The following RCOR1 variants were observed in gnomAD, a reference collection of about 807,000 sequenced individuals.
RCOR1 encodes REST corepressor 1, also known as REST corepressor.
A neutral mutation model predicts 64.0 loss-of-function variants in RCOR1; 12 were observed. That is an observed-to-expected ratio of 0.19 (90% confidence interval 0.12 to 0.30). The LOEUF (loss-of-function observed/expected upper bound fraction) is 0.30, where lower values mean the gene tolerates loss of function less well. Among genes scored for constraint, RCOR1 ranks in the 10% least tolerant of loss-of-function variants. The probability of loss-of-function intolerance (pLI) is 1.00; values close to 1 mark genes in which losing one functional copy is unlikely to be tolerated. For missense variants in RCOR1, 502 were observed against 621.2 expected (o/e 0.81, Z 2.04); for synonymous variants, 279 against 227.2 (o/e 1.23, Z -2.05).
chr14:102,659,014 T>G, intron 2 of RCOR1: 2 of 594,844 alleles, frequency 3.4e-6, no homozygotes, highest in Non-Finnish European at 4.2e-6. Flanking sequence ...TACACTCAAG[T>G]CGGGGAGATT....
intron 2 of RCOR1, among the ~76,000 whole-genome samples, chr14:102,654,181 T>C (rs1034568324): frequency 1.3e-5 from 2 of 151,716 alleles, no homozygotes; most frequent in Non-Finnish European, 2.9e-5. Context: ...GAGACAGGGT[T>C]TCACCGTGTT....
intron 2 of RCOR1, among the ~76,000 whole-genome samples, chr14:102,652,236 G>GA (rs1567422521): frequency 6.6e-6 from 1 of 152,160 alleles, no homozygotes. Context: ...TTATAGAAGA[G>GA]AAAATTGAAA....
chr14:102,613,837 T>C (rs1291030281), intron 2 of RCOR1, among the ~76,000 whole-genome samples: 1 of 149,044 alleles, frequency 6.7e-6, no homozygotes, highest in Non-Finnish European at 1.5e-5. Context: ...ATTACAGGAG[T>C]GAACCACCGC....
At chr14:102,667,368 G>A (rs1438698216) in intron 2 of RCOR1, among the ~76,000 whole-genome samples, 1 of 152,064 alleles carries the variant, frequency 6.6e-6, no homozygotes, top group African/African-American at 2.4e-5. Context: ...GGGCGTGGTG[G>A]TGGGTGCCTG....
chr14:102,681,898 A>T lies in RCOR1; in HGVS notation c.365A>T (p.Lys122Ile), dbSNP rs1334140599. 1 of 1,612,870 alleles carries T rather than the reference A, an allele frequency of 6.2e-7. No individual in the cohort carries two copies. The highest frequency in any genetic ancestry group is 8.5e-7 in the Non-Finnish European group (1 of 1,179,048). The change falls in exon 3 of 12, where the codon AAA (lysine) becomes ATA (isoleucine). Residue 122 changes from lysine to isoleucine, a missense_variant. By Grantham distance (102) the Lys-to-Ile change is moderately radical. Coordinates refer to ENST00000262241, the MANE Select transcript of RCOR1 (RefSeq NM_015156.4). Reference sequence around the variant, plus strand: ...TTTCTTTTTTCTTTCTCCCAAGCCAAACTGGCAAGACGCAGTCAAGAACGG... The same window carrying T: ...TTTCTTTTTTCTTTCTCCCAAGCCATACTGGCAAGACGCAGTCAAGAACGG... Reference protein sequence around the residue: ...QAVVPDFDPAKLARRSQERDN... With the variant: ...QAVVPDFDPAILARRSQERDN...
At chr14:102,659,073 T>C (rs923474866) in intron 2 of RCOR1, 10 of 946,350 alleles carry the variant, frequency 1.1e-5, no homozygotes, top group Non-Finnish European at 1.3e-5. Context: ...ATAAATTATT[T>C]GAAATTCTCC....
At chr14:102,721,499 C>A in intron 10 of RCOR1, 122 bp downstream of exon 10, 1 of 615,738 alleles carries the variant, frequency 1.6e-6, no homozygotes, top group Non-Finnish European at 2.9e-6. Flanking sequence ...TGCATTGATC[C>A]ATGATCACAC....
chr14:102,705,139 AAG>A (rs891729930), intron 4 of RCOR1, among the ~76,000 whole-genome samples: 32 of 152,148 alleles, frequency 2.1e-4, no homozygotes, highest in South Asian at 8.3e-4. Context: ...AACAAAAAAA[AAG>A]AGGGGGGAAA....
In RCOR1 at chr14:102,627,809, A is replaced by G. The variant is rs138985555; in HGVS notation, c.361+34484A>G. On this transcript the variant is annotated intron_variant, in intron 2 of 11. Transcript: ENST00000262241. ...TCTAGAGTTGCTCTTGAGGTGATCA[A>G]TTGCTCCATGTTGCTAAATCCAGCA... Among the ~76,000 whole-genome samples the G allele has an allele frequency of 2.9e-3, 444 of 152,098 alleles. 2 individuals carry two copies. Among genetic ancestry groups the G allele is most frequent in the Non-Finnish European group, 4.8e-3 (323 of 67,988 alleles).
chr14:102,726,094 C>T (rs1302001020), intron 11 of RCOR1, among the ~76,000 whole-genome samples: 13 of 151,670 alleles, frequency 8.6e-5, no homozygotes, highest in African/African-American at 3.1e-4. Flanking sequence ...TTTGGGAGGC[C>T]GAGGCAGGCA....
intron 6 of RCOR1, 63 bp downstream of exon 6, chr14:102,708,646 C>G (rs989678857): frequency 2.2e-6 from 2 of 893,280 alleles, no homozygotes. Context: ...CCCAGATACA[C>G]AAAGGCAAGG....
At chr14:102,669,853 C>T (rs969303457) in intron 2 of RCOR1, among the ~76,000 whole-genome samples, 9 of 152,082 alleles carry the variant, frequency 5.9e-5, no homozygotes, top group African/African-American at 1.9e-4. Context: ...AGTCATAAAA[C>T]GTTTTTTGGT....
intron 2 of RCOR1, among the ~76,000 whole-genome samples, chr14:102,612,581 CT>C (rs1208714595): frequency 6.6e-6 from 1 of 152,014 alleles, no homozygotes; most frequent in Non-Finnish European, 1.5e-5. Context: ...AGCAATCCAC[CT>C]GCTTCGGCCT....
At chr14:102,708,703 T>G in intron 6 of RCOR1, 120 bp downstream of exon 6, 1 of 647,726 alleles carries the variant, frequency 1.5e-6, no homozygotes, top group South Asian at 1.9e-5. Context: ...GAACCACATG[T>G]TCATGAGATG....
At chr14:102,653,967 CTTT>C (rs1894657674) in intron 2 of RCOR1, among the ~76,000 whole-genome samples, 2 of 40,952 alleles carry the variant, frequency 4.9e-5, no homozygotes, top group Admixed American at 5.2e-4. Flanking sequence ...TTCTTTCTTT[CTTT>C]CTTTCTTTCT....
At chr14:102,645,352 T>G (rs1423307374) in intron 2 of RCOR1, among the ~76,000 whole-genome samples, 1 of 152,218 alleles carries the variant, frequency 6.6e-6, no homozygotes, top group Non-Finnish European at 1.5e-5. Flanking sequence ...TTGAGAATTG[T>G]TTCTTTTTTT....
At chr14:102,610,502 G>C (rs1893607116) in intron 2 of RCOR1, among the ~76,000 whole-genome samples, 1 of 152,046 alleles carries the variant, frequency 6.6e-6, no homozygotes, top group South Asian at 2.1e-4. Flanking sequence ...AAGTTCAGTT[G>C]GGTGGCAATG....
chr14:102,677,156 G>A (rs1461177817), intron 2 of RCOR1, among the ~76,000 whole-genome samples: 3 of 138,708 alleles, frequency 2.2e-5, no homozygotes, highest in East Asian at 2.2e-4. Flanking sequence ...CCGGGCGGGG[G>A]GCTGACCCCC....
chr14:102,640,439 G>GATAC (rs1275545166), intron 2 of RCOR1, among the ~76,000 whole-genome samples: 2 of 152,318 alleles, frequency 1.3e-5, no homozygotes, highest in East Asian at 3.9e-4. Context: ...GATGATGACA[G>GATAC]GTATCTTGGG....
Sources: allele counts gnomAD v4.1 joint callset (sites outside exome capture counted in the v4.1 genomes callset), GRCh38; gene constraint gnomAD v4.1.1; transcripts MANE v1.5; gene names NCBI Gene and HGNC (gene_info 2026-07-23, HGNC 2026-07-21).